Variants in CDH13 observed in about 807,000 individuals in gnomAD.
CDH13 encodes the protein cadherin-13.
In CDH13, 24 loss-of-function variants were observed where a neutral mutation model predicts 63.8. The observed-to-expected ratio is 0.38, with a 90% CI of 0.27 to 0.53. The LOEUF is 0.53. Among genes scored for constraint, CDH13 ranks in the 20% least tolerant of loss-of-function variants. The probability of loss-of-function intolerance (pLI) is 0.85; values close to 1 mark genes in which losing one functional copy is unlikely to be tolerated. For missense variants in CDH13, 1,049 were observed against 903.1 expected, an observed-to-expected ratio of 1.16 and a Z score of -2.07; for synonymous variants, 503 against 355.3, an observed-to-expected ratio of 1.42 and a Z score of -4.67.
At chr16:82,813,320 GCTC>G (rs1474408842) in intron 1 of CDH13, among the ~76,000 whole-genome samples, 1 of 152,162 alleles carries the variant, frequency 6.6e-6, no homozygotes, top group African/African-American at 2.4e-5. Flanking sequence ...CTGCACCTGT[GCTC>G]CTCTTGGGAT....
At chr16:83,719,634 A>T (rs1483717703) in intron 10 of CDH13, among the ~76,000 whole-genome samples, 1 of 152,214 alleles carries the variant, frequency 6.6e-6, no homozygotes, top group Admixed American at 6.5e-5. Context: ...CCTCACATGT[A>T]AGAATTTAAA....
intron 4 of CDH13, among the ~76,000 whole-genome samples, chr16:83,145,802 C>A (rs960971743): frequency 2.6e-4 from 39 of 152,162 alleles, no homozygotes; most frequent in African/African-American, 8.9e-4. Flanking sequence ...TTATTGGAAT[C>A]TTTCACCTTC....
At chr16:83,420,184 C>G (rs1306472568) in intron 6 of CDH13, among the ~76,000 whole-genome samples, 1 of 152,142 alleles carries the variant, frequency 6.6e-6, no homozygotes, top group African/African-American at 2.4e-5. Context: ...CTTGATCCTA[C>G]TCTCAAGGAA....
chr16:83,645,901 G>A (rs1234764589), intron 8 of CDH13, among the ~76,000 whole-genome samples: 1 of 152,154 alleles, frequency 6.6e-6, no homozygotes, highest in African/African-American at 2.4e-5. Context: ...CGAAAATTGA[G>A]GTGAAAAATC....
At chr16:82,668,515 T>C (rs1912873244) in intron 1 of CDH13, among the ~76,000 whole-genome samples, 1 of 152,116 alleles carries the variant, frequency 6.6e-6, no homozygotes, top group South Asian at 2.1e-4. Flanking sequence ...AGGGCAATGT[T>C]TTTTTGTTGT....
At chr16:83,517,033 T>C (rs2074712792) in intron 7 of CDH13, among the ~76,000 whole-genome samples, 2 of 152,192 alleles carry the variant, frequency 1.3e-5, no homozygotes, top group Admixed American at 1.3e-4. Flanking sequence ...CTGGATACAT[T>C]GACTGTCGTG....
intron 6 of CDH13, among the ~76,000 whole-genome samples, chr16:83,483,212 C>T (rs748159476): frequency 1.3e-5 from 2 of 152,150 alleles, no homozygotes; most frequent in Non-Finnish European, 1.5e-5. Flanking sequence ...AGGCACAATG[C>T]GGTTCCCTCA....
intron 6 of CDH13, among the ~76,000 whole-genome samples, chr16:83,371,120 A>C (rs1290075083): frequency 2.0e-5 from 3 of 152,258 alleles, no homozygotes; most frequent in Non-Finnish European, 4.4e-5. Flanking sequence ...TGTGGAAAGC[A>C]GTTTGGTGAT....
At chr16:82,775,866 G>T (rs2035471509) in intron 1 of CDH13, among the ~76,000 whole-genome samples, 1 of 152,110 alleles carries the variant, frequency 6.6e-6, no homozygotes, top group Non-Finnish European at 1.5e-5. Context: ...GATGCATACT[G>T]ATGGCTCTTT....
Position 82,779,139 on chromosome 16 carries a change from C to T in CDH13, c.46-79223C>T, listed in dbSNP as rs143356321. On this transcript the variant is annotated intron_variant, in intron 1 of 13. Coordinates refer to ENST00000567109, the MANE Select transcript of CDH13 (RefSeq NM_001257.5). The stretch of plus-strand genomic sequence containing the variant: ...AACTATTTTTTAAATGTAATAAATA[C>T]GTAAGTAGCAGTTACTGTATGCTAG... Among the ~76,000 whole-genome samples, 46 of 152,246 alleles carry T rather than the reference C, an allele frequency of 3.0e-4. 1 individual carries two copies. The highest frequency in any genetic ancestry group is 3.4e-3 in the Middle Eastern group (1 of 294).
rs528072193 is a variant in CDH13, at chr16:83,236,522, T to A, written c.636+19025T>A. 2.0e-5 allele frequency among the ~76,000 whole-genome samples: 3 copies of A among 152,298 alleles called. No individual in the cohort carries two copies. In the East Asian group the frequency reaches 5.8e-4, roughly 29 times the overall value. On this transcript the variant is annotated intron_variant, in intron 5 of 13. Transcript: ENST00000567109. ...TTTAATTAGTGAAACCCTAAGGAAG[T>A]TATCAGCATGGAGATTTGTGATGGA...
chr16:83,241,401 C>T (rs1235678563), intron 5 of CDH13, among the ~76,000 whole-genome samples: 1 of 152,106 alleles, frequency 6.6e-6, no homozygotes, highest in Non-Finnish European at 1.5e-5. Flanking sequence ...TTTGAGAAAC[C>T]TCCATGTTGT....
chr16:82,966,695 G>C (rs1907887798), intron 2 of CDH13, among the ~76,000 whole-genome samples: 1 of 152,082 alleles, frequency 6.6e-6, no homozygotes, highest in Non-Finnish European at 1.5e-5. Flanking sequence ...TATATTTTTA[G>C]TTCAAATTTT....
Position 83,705,341 on chromosome 16 carries a change from G to A in CDH13, c.1538+26880G>A, listed in dbSNP as rs117814889. ...GACTTTTTTAAAAAAAGAAAAAGAA[G>A]CCCGGGCCCGGTGGCTCACGCCTGT... On this transcript the variant is annotated intron_variant, in intron 10 of 13. Coordinates refer to ENST00000567109, the MANE Select transcript of CDH13 (RefSeq NM_001257.5). Among the ~76,000 whole-genome samples the A allele has an allele frequency of 7.9e-5, 12 of 152,290 alleles. No individual in the cohort carries two copies. The East Asian group carries it at 2.3e-3, about 29-fold the overall frequency.
intron 11 of CDH13, among the ~76,000 whole-genome samples, chr16:83,760,574 G>A (rs1396880410): frequency 6.6e-6 from 1 of 152,198 alleles, no homozygotes; most frequent in Non-Finnish European, 1.5e-5. Context: ...TGCAGCAAAA[G>A]AAGGCTGAAA....
intron 2 of CDH13, among the ~76,000 whole-genome samples, chr16:82,860,231 T>G (rs969908034): frequency 6.6e-6 from 1 of 152,124 alleles, no homozygotes; most frequent in Non-Finnish European, 1.5e-5. Flanking sequence ...GTATGCAAAG[T>G]AGACCTATAA....
intron 1 of CDH13, among the ~76,000 whole-genome samples, chr16:82,667,007 G>C (rs1912665593): frequency 6.6e-6 from 1 of 152,142 alleles, no homozygotes; most frequent in African/African-American, 2.4e-5. Flanking sequence ...TTGCCCTACT[G>C]CTTGCAAGCC....
chr16:82,692,739 A>G (rs757650666), intron 1 of CDH13, among the ~76,000 whole-genome samples: 5 of 152,194 alleles, frequency 3.3e-5, no homozygotes, highest in Non-Finnish European at 5.9e-5. Flanking sequence ...AATGAAATTT[A>G]TATTCCTAGT....
intron 6 of CDH13, among the ~76,000 whole-genome samples, chr16:83,404,060 T>C (rs777712878): frequency 1.3e-5 from 2 of 152,232 alleles, no homozygotes; most frequent in African/African-American, 2.4e-5. Context: ...ATCATAATCA[T>C]TGCAGATTAA....
Sources: allele counts gnomAD v4.1 joint callset (sites outside exome capture counted in the v4.1 genomes callset), GRCh38; gene constraint gnomAD v4.1.1; transcripts MANE v1.5; gene names NCBI Gene and HGNC (gene_info 2026-07-23, HGNC 2026-07-21).